PRKCE: variants seen among roughly 807,000 people sequenced by gnomAD.
The protein encoded by PRKCE is protein kinase C epsilon, also known as protein kinase C epsilon type.
Under a neutral mutation model 85.4 loss-of-function variants are expected in PRKCE, and 16 were observed. The observed-to-expected ratio is 0.19, with a 90% confidence interval of 0.13 to 0.28. PRKCE has a LOEUF of 0.28. Among genes scored for constraint, PRKCE ranks in the 10% least tolerant of loss-of-function variants. The pLI is 1.00. For synonymous variants in PRKCE, 388 were observed against 371.5 expected, an observed-to-expected ratio of 1.04 and a Z score of -0.51; for missense variants, 573 against 975.2, an observed-to-expected ratio of 0.59 and a Z score of 5.49.
chr2:46,007,669 G>A lies in PRKCE; in HGVS notation c.1263+8G>A. 1 of 1,599,152 alleles carries A rather than the reference G, an allele frequency of 6.3e-7. No individual in the cohort carries two copies. The highest frequency in any genetic ancestry group is 8.5e-7 in the Non-Finnish European group (1 of 1,179,610). Reference sequence around the variant, plus strand: ...AAAGGCAGCTTTGGCAAGGTCTGTGGCACACACGGGTGGAACTGCTGGTTT... The same window carrying A: ...AAAGGCAGCTTTGGCAAGGTCTGTGACACACACGGGTGGAACTGCTGGTTT... On this transcript the variant is annotated splice_region_variant and intron_variant, in intron 9 of 14. Coordinates refer to ENST00000306156, the MANE Select transcript of PRKCE (RefSeq NM_005400.3).
intron 11 of PRKCE, among the ~76,000 whole-genome samples, chr2:46,095,489 G>T (rs548471926): frequency 1.4e-4 from 22 of 152,304 alleles, no homozygotes; most frequent in African/African-American, 5.1e-4. Flanking sequence ...GAAGAAAAGA[G>T]AATCTGGATT....
At chr2:46,099,438 G>A (rs1373867051) in intron 11 of PRKCE, among the ~76,000 whole-genome samples, 1 of 151,484 alleles carries the variant, frequency 6.6e-6, no homozygotes, top group Admixed American at 6.6e-5. Context: ...AATACAACAT[G>A]TTTCCACCAC....
intron 14 of PRKCE, among the ~76,000 whole-genome samples, chr2:46,169,415 C>T (rs1259667214): frequency 6.6e-6 from 1 of 152,218 alleles, no homozygotes; most frequent in Non-Finnish European, 1.5e-5. Flanking sequence ...CAGCCCTTCA[C>T]CCTCCATGTT....
At chr2:45,952,575 A>G (rs991348818) in intron 2 of PRKCE, among the ~76,000 whole-genome samples, 1 of 152,226 alleles carries the variant, frequency 6.6e-6, no homozygotes, top group African/African-American at 2.4e-5. Context: ...TGAAATTGCT[A>G]TGTTAAAAGT....
In PRKCE at chr2:46,048,201, C is replaced by G. The variant is rs1574328111; in HGVS notation, c.1437+37684C>G. Among the ~76,000 whole-genome samples, 6 of 150,922 alleles carry G rather than the reference C, an allele frequency of 4.0e-5. No individual in the cohort carries two copies. The South Asian group carries it at 8.6e-4, about 22-fold the overall frequency. ...AACTAAGTTCTGTTTTCTGTTCTTTCTCTGACTAGCCATAGGACCTTAGGG... is the reference window on the plus strand; with the variant it reads ...AACTAAGTTCTGTTTTCTGTTCTTTGTCTGACTAGCCATAGGACCTTAGGG... On this transcript the variant is annotated intron_variant, in intron 10 of 14. Transcript: ENST00000306156.
At chr2:45,961,379 C>T (rs543493414) in intron 2 of PRKCE, among the ~76,000 whole-genome samples, 1 of 152,324 alleles carries the variant, frequency 6.6e-6, no homozygotes, top group East Asian at 1.9e-4. Flanking sequence ...ATCTCAAATT[C>T]AGCAGCTGAA....
intron 12 of PRKCE, among the ~76,000 whole-genome samples, chr2:46,149,694 C>CAT (rs1391569648): frequency 0.029 from 4,217 of 146,748 alleles, 209 homozygotes; most frequent in African/African-American, 0.099. Flanking sequence ...ATGTCATCTC[C>CAT]ATATATATAT....
chr2:46,169,685 C>A (rs570414026), intron 14 of PRKCE, among the ~76,000 whole-genome samples: 1 of 152,196 alleles, frequency 6.6e-6, no homozygotes, highest in African/African-American at 2.4e-5. Context: ...TAGCCGCACT[C>A]CGTCCCCCCT....
intron 11 of PRKCE, among the ~76,000 whole-genome samples, chr2:46,092,135 C>G (rs961348180): frequency 6.6e-6 from 1 of 152,186 alleles, no homozygotes; most frequent in Admixed American, 6.5e-5. Context: ...TAGTACCTGC[C>G]TTGTCTCTTT....
At chr2:45,700,045 G>A (rs1297161524) in intron 1 of PRKCE, among the ~76,000 whole-genome samples, 1 of 152,098 alleles carries the variant, frequency 6.6e-6, no homozygotes, top group East Asian at 1.9e-4. Context: ...CCCACCAGTG[G>A]AAGGCAGAAG....
intron 6 of PRKCE, among the ~76,000 whole-genome samples, chr2:45,985,601 A>G (rs1465186882): frequency 6.6e-6 from 1 of 152,338 alleles, no homozygotes; most frequent in South Asian, 2.1e-4. Flanking sequence ...CAAATTGGTC[A>G]TTGAAGGGAT....
chr2:45,975,216 G>A (rs1702368284), intron 2 of PRKCE, among the ~76,000 whole-genome samples: 1 of 152,200 alleles, frequency 6.6e-6, no homozygotes, highest in Admixed American at 6.5e-5. Context: ...TCATTGAGAT[G>A]TATTGTATCA....
chr2:45,973,976 T>C (rs1279528810), intron 2 of PRKCE, among the ~76,000 whole-genome samples: 1 of 152,218 alleles, frequency 6.6e-6, no homozygotes, highest in South Asian at 2.1e-4. Flanking sequence ...TTCAAATGTA[T>C]TCCGTGGTGA....
At chr2:45,885,613 A>G (rs1695238281) in intron 2 of PRKCE, among the ~76,000 whole-genome samples, 1 of 152,234 alleles carries the variant, frequency 6.6e-6, no homozygotes, top group Non-Finnish European at 1.5e-5. Flanking sequence ...CCATTTGGGC[A>G]GTGCATAATC....
At chr2:46,014,975 AG>A (rs1306476867) in intron 10 of PRKCE, among the ~76,000 whole-genome samples, 1 of 152,244 alleles carries the variant, frequency 6.6e-6, no homozygotes, top group Non-Finnish European at 1.5e-5. Context: ...AGAGCAAAGA[AG>A]GAAGAGGAGA....
At chr2:45,959,718 T>C (rs896796581) in intron 2 of PRKCE, among the ~76,000 whole-genome samples, 1 of 152,144 alleles carries the variant, frequency 6.6e-6, no homozygotes, top group Non-Finnish European at 1.5e-5. Context: ...TGTGTGATGA[T>C]TATATTTGCT....
chr2:45,657,451 T>C (rs1675430891), intron 1 of PRKCE, among the ~76,000 whole-genome samples: 1 of 152,200 alleles, frequency 6.6e-6, no homozygotes, highest in South Asian at 2.1e-4. Flanking sequence ...AATGAGTTAA[T>C]ACATGTACAA....
At chr2:45,924,398 G>A (rs1266555627) in intron 2 of PRKCE, among the ~76,000 whole-genome samples, 2 of 152,232 alleles carry the variant, frequency 1.3e-5, no homozygotes, top group Non-Finnish European at 2.9e-5. Context: ...TGGAGGCAGA[G>A]GAGATGTTAA....
intron 1 of PRKCE, among the ~76,000 whole-genome samples, chr2:45,792,232 A>G (rs1687090409): frequency 6.6e-6 from 1 of 152,062 alleles, no homozygotes; most frequent in African/African-American, 2.4e-5. Flanking sequence ...ACCCAGTCTC[A>G]CCAGAAGTAA....
Sources: gnomAD v4.1 joint callset for allele counts (sites outside exome capture counted in the v4.1 genomes callset) on GRCh38, gnomAD v4.1.1 for gene constraint, MANE v1.5 for transcripts, NCBI Gene and HGNC (gene_info 2026-07-23, HGNC 2026-07-21) for gene names.